HMCN2: variants seen among roughly 807,000 people sequenced by gnomAD.
HMCN2 encodes hemicentin 2.
A neutral mutation model predicts 377.5 loss-of-function variants in HMCN2; 325 were observed. That is an observed-to-expected ratio of 0.86 (90% confidence interval 0.79 to 0.94). The LOEUF is 0.94. Among genes scored for constraint, HMCN2 ranks in the 40% least tolerant of loss-of-function variants. The pLI is 0.00. For synonymous variants in HMCN2, 2,007 were observed against 2,046.8 expected, an observed-to-expected ratio of 0.98 and a Z score of 0.53; for missense variants, 4,543 against 4,725.3, an observed-to-expected ratio of 0.96 and a Z score of 1.13.
intron 49 of HMCN2, among the ~76,000 whole-genome samples, 153 bp from the exon 50 acceptor site, chr9:130,375,410 C>T (rs901461497): frequency 2.0e-5 from 3 of 152,190 alleles, no homozygotes; most frequent in East Asian, 1.9e-4. Context: ...CTGGCCACCC[C>T]GGGCATGGGC....
intron 22 of HMCN2, among the ~76,000 whole-genome samples, chr9:130,337,268 G>A (rs1838803892): frequency 2.0e-5 from 3 of 152,104 alleles, no homozygotes; most frequent in Admixed American, 1.3e-4. Flanking sequence ...GGAGGACAAC[G>A]ATGGCAGCAG....
At chr9:130,368,776 T>C (rs775312672) in intron 44 of HMCN2, among the ~76,000 whole-genome samples, 7 of 151,966 alleles carry the variant, frequency 4.6e-5, no homozygotes, top group Admixed American at 6.6e-5. Flanking sequence ...CAGACACTTA[T>C]CAAACAACCA....
intron 8 of HMCN2, among the ~76,000 whole-genome samples, chr9:130,302,585 G>A (rs58657794): frequency 5.0e-4 from 76 of 152,262 alleles, no homozygotes; most frequent in African/African-American, 8.4e-4. Flanking sequence ...GCTGTGCCTA[G>A]GGGAGCTGGT....
intron 84 of HMCN2, among the ~76,000 whole-genome samples, chr9:130,410,283 G>A (rs1843340592): frequency 7.5e-6 from 1 of 132,494 alleles, no homozygotes; most frequent in South Asian, 2.5e-4. Context: ...GTTTGGAAGA[G>A]GTGGATCTAC....
Position 130,376,671 on chromosome 9 carries a change from C to A in HMCN2, c.8061+13C>A. 1 of 985,762 alleles carries A rather than the reference C, an allele frequency of 1.0e-6. No individual in the cohort carries two copies. Among genetic ancestry groups the A allele is most frequent in the East Asian group, 1.1e-4 (1 of 8,822 alleles). 61.1% of individuals were successfully genotyped at this position (985,762 alleles called of 1,614,324 possible). On this transcript the variant is annotated intron_variant, in intron 52 of 97. Transcript: ENST00000683500. ...CAAGGATGGACAGGTGAGTTTGGGA[C>A]CCCCTGCGCAGCTTCTGGCTCTCAC...
chr9:130,374,565 A>G lies in HMCN2; in HGVS notation c.7502A>G (p.His2501Arg). 1 of 985,676 alleles carries G rather than the reference A, an allele frequency of 1.0e-6. No individual in the cohort carries two copies. Among genetic ancestry groups the G allele is most frequent in the Non-Finnish European group, 1.2e-6 (1 of 829,852 alleles). 61.1% of individuals were successfully genotyped at this position (985,676 alleles called of 1,614,324 possible). ...DGRPLARGDAHHISPDGVLLQ... is the reference protein window; with the variant it reads ...DGRPLARGDARHISPDGVLLQ... ...CGGCCTCTGGCTAGGGGAGATGCTC[A>G]CCACATCTCCCCAGACGGAGTCCTC... Residue 2501 changes from histidine (H) to arginine (R), a missense_variant, in exon 49 of 98, where the codon CAC (histidine) becomes CGC (arginine). By Grantham distance (29) the His-to-Arg change is conservative. Transcript: ENST00000683500.
In HMCN2 at chr9:130,385,568, GCCTTCA is replaced by G. The variant is rs755342978; in HGVS notation, c.9116_9121del (p.Ala3039_Arg3041delinsGly). ...CTATCTCCTGCCCCCAGTTCCCCCG[GCCTTCA>G]GGCAGGCTCCCAGAGGTCCCCAGGA... On this transcript the variant is annotated inframe_deletion, in exon 60 of 98. Coordinates refer to ENST00000683500, the MANE Select transcript of HMCN2 (RefSeq NM_001291815.2). 8.3e-4 allele frequency: 1,082 copies of G among 1,303,810 alleles called. 1 individual carries two copies. The highest frequency in any genetic ancestry group is 1.1e-3 in the Non-Finnish European group (1,056 of 988,690). 80.8% of individuals were successfully genotyped at this position (1,303,810 alleles called of 1,614,324 possible).
At chr9:130,309,418 A>C (rs1837090459) in intron 14 of HMCN2, among the ~76,000 whole-genome samples, 1 of 146,730 alleles carries the variant, frequency 6.8e-6, no homozygotes, top group Non-Finnish European at 1.5e-5. Context: ...GGTAGGCTGA[A>C]GTAGGATAAT....
intron 29 of HMCN2, among the ~76,000 whole-genome samples, chr9:130,350,591 T>G (rs1588286899): frequency 6.7e-6 from 1 of 149,642 alleles, no homozygotes; most frequent in East Asian, 2.0e-4. Context: ...TTAGCCATTT[T>G]AAAGTGTACA....
rs761232134 is a variant in HMCN2, at chr9:130,356,232, G to A, written c.5400G>A (p.Gly1800=). The A allele has an allele frequency of 1.5e-6, 2 of 1,301,106 alleles. No individual in the cohort carries two copies. The highest frequency in any genetic ancestry group is 2.0e-6 in the Non-Finnish European group (2 of 988,294). The allele number at this position is 1,301,106 out of a possible 1,614,324, so 80.6% of individuals were successfully genotyped here. A position where few individuals can be genotyped will look rare whatever the true frequency, so the allele number is the denominator to read the frequency against. The change falls in exon 34 of 98, where the codon GGG becomes GGA. Residue 1800 remains glycine, a synonymous_variant. Transcript: ENST00000683500. ...CCACCAATGAGGCGGGCACTGCCGGGGCCGAGGTGGAGGTGTCTGTGCATG... is the reference window on the plus strand; with the variant it reads ...CCACCAATGAGGCGGGCACTGCCGGAGCCGAGGTGGAGGTGTCTGTGCATG... ...CQATNEAGTA[G]AEVEVSVHEF...
chr9:130,382,643 GTGCCA>G, intron 55 of HMCN2, 31 bp from the exon 56 acceptor site: 1 of 838,602 alleles, frequency 1.2e-6, no homozygotes, highest in Non-Finnish European at 1.4e-6. Flanking sequence ...CCAGGGACCT[GTGCCA>G]GCCCCTCAGC....
At chr9:130,343,354 C>A (rs929402277) in intron 25 of HMCN2, among the ~76,000 whole-genome samples, 3 of 152,206 alleles carry the variant, frequency 2.0e-5, no homozygotes, top group African/African-American at 7.2e-5. Context: ...CGTCTCTAGT[C>A]TTGGTTGTTG....
At position 130,393,603 on chromosome 9, in the gene HMCN2, G is replaced by A. The variant is rs1842443663; in HGVS notation, c.10235-139G>A. ...GACACCAGGGGATGGAGAGGATGCT[G>A]TGGGAGCACAGAGGAGGGCACCTCA... On this transcript the variant is annotated intron_variant, in intron 67 of 97. Transcript: ENST00000683500. This position sits in a 1 kb window ranked among gnomAD's most constrained non-coding sequence, Gnocchi z 5.2. The A allele has an allele frequency of 2.9e-6, 2 of 695,934 alleles. No homozygotes were observed. The highest frequency in any genetic ancestry group is 1.9e-5 in the African/African-American group (1 of 51,624). 43.1% of individuals were successfully genotyped at this position (695,934 alleles called of 1,614,324 possible). A position where few individuals can be genotyped will look rare whatever the true frequency, so the allele number is the denominator to read the frequency against.
In HMCN2 at chr9:130,394,046, G is replaced by T. The variant is rs139117060; in HGVS notation, c.10501+38G>T. 8.3e-7 allele frequency: 1 copy of T among 1,203,580 alleles called. No homozygotes were observed. The highest frequency in any genetic ancestry group is 1.1e-6 in the Non-Finnish European group (1 of 949,920). The allele number at this position is 1,203,580 out of a possible 1,614,324, so 74.6% of individuals were successfully genotyped here. ...GCCTCTGGCCAGCTTCTCTGGGCTC[G>T]GGGGAGAGGGTGGGACTCTAGGGGC... On this transcript the variant is annotated intron_variant, in intron 68 of 97. Coordinates refer to ENST00000683500, the MANE Select transcript of HMCN2 (RefSeq NM_001291815.2). This position sits in a 1 kb window ranked among gnomAD's most constrained non-coding sequence, Gnocchi z 5.1.
chr9:130,318,612 G>C (rs1024282337), intron 15 of HMCN2, among the ~76,000 whole-genome samples: 1 of 152,204 alleles, frequency 6.6e-6, no homozygotes, highest in African/African-American at 2.4e-5. Context: ...AGGGAAGGGC[G>C]TGGGATTTGG....
chr9:130,344,845 G>T (rs1341762576), intron 25 of HMCN2, among the ~76,000 whole-genome samples: 1 of 146,630 alleles, frequency 6.8e-6, no homozygotes, highest in South Asian at 2.2e-4. Flanking sequence ...GGTGTGTGTA[G>T]TGTTTGGTAT....
intron 22 of HMCN2, among the ~76,000 whole-genome samples, chr9:130,337,110 G>T (rs1428720383): frequency 6.6e-6 from 1 of 152,128 alleles, no homozygotes; most frequent in Non-Finnish European, 1.5e-5. Flanking sequence ...ATGGAGGCAG[G>T]AGCTGTGCGG....
At position 130,292,220 on chromosome 9, in the gene HMCN2, G is replaced by A. The variant is rs115285395; in HGVS notation, c.613-2635G>A. The stretch of plus-strand genomic sequence containing the variant: ...AGTTTGATGACTGGGTGAGGGTGGC[G>A]ACAGCCAGCTCTCTGTATGGTTGGG... On this transcript the variant is annotated intron_variant, in intron 4 of 97. Transcript: ENST00000683500. Among the ~76,000 whole-genome samples the A allele has an allele frequency of 1.7e-3, 256 of 152,278 alleles. 1 individual carries two copies. The highest frequency in any genetic ancestry group is 5.8e-3 in the African/African-American group (243 of 41,556).
rs1018716905 is a variant in HMCN2 at position 130,393,221 on chromosome 9, G to C, written c.10146G>C (p.Lys3382Asn). ...HGSGHTLRIS[K>N]VQLADAGIFT... ...CTCTCGGGGGATTCAGGATTTCCAA[G>C]GTGCAATTGGCAGACGCTGGCATCT... The change falls in exon 67 of 98, where the codon AAG becomes AAC. Residue 3382 changes from lysine (K) to asparagine (N), a missense_variant. This residue lies in a region of HMCN2 where 1,073 missense variants were observed against 1,319.5 expected (regional missense o/e 0.81). Transcript: ENST00000683500. This position sits in a 1 kb window ranked among gnomAD's most constrained non-coding sequence, Gnocchi z 5.2. The C allele has an allele frequency of 2.9e-5, 29 of 988,038 alleles. No homozygotes were observed. The highest frequency in any genetic ancestry group is 3.4e-5 in the Non-Finnish European group (28 of 830,248). The allele number at this position is 988,038 out of a possible 1,614,324, so 61.2% of individuals were successfully genotyped here.
Sources: gnomAD v4.1 joint callset for allele counts (sites outside exome capture counted in the v4.1 genomes callset) on GRCh38, gnomAD v4.1.1 for gene constraint, gnomAD v4.1.1 regional missense constraint, Gnocchi (gnomAD v3.1) non-coding constraint, MANE v1.5 for transcripts, NCBI Gene and HGNC (gene_info 2026-07-23, HGNC 2026-07-21) for gene names.